Variants in EBF4 observed in about 807,000 individuals in gnomAD.
EBF4 encodes the protein transcription factor COE4.
Under a neutral mutation model 67.1 loss-of-function variants are expected in EBF4, and 34 were observed. The observed-to-expected ratio is 0.51, with a 90% CI of 0.39 to 0.67. The LOEUF is 0.67. EBF4 is among the 30% of genes least tolerant of loss of function. The pLI is 0.00. For synonymous variants in EBF4, 387 were observed against 377.7 expected (o/e 1.02, Z -0.29); for missense variants, 837 against 873.3 (o/e 0.96, Z 0.52).
At chr20:2,693,459 C>A, upstream of EBF4, 1 of 570,744 alleles carries the variant, frequency 1.8e-6, no homozygotes, top group Non-Finnish European at 2.6e-6. The surrounding 1 kb of genome is among the most constrained non-coding windows in gnomAD (Gnocchi z 4.6). Flanking sequence ...GAGGGGACAG[C>A]GCCGGCGCCC....
Position 2,749,739 on chromosome 20 carries a change from C to A in EBF4, c.877C>A (p.Leu293Ile). Residue 293 changes from leucine to isoleucine, a missense_variant, in exon 9 of 17, where the codon CTC becomes ATC. By Grantham distance (5) the Leu-to-Ile change is conservative (BLOSUM62 2). Transcript: ENST00000609451. Reference sequence around the variant, plus strand: ...GTTGCAGGTCGTGTTCGGAAACGTGCTCGTGTGGAGCGAGGTGGGCCAACC... The same window carrying A: ...GTTGCAGGTCGTGTTCGGAAACGTGATCGTGTGGAGCGAGGTGGGCCAACC... 2.6e-6 allele frequency: 4 copies of A among 1,545,414 alleles called. No homozygotes were observed. The highest frequency in any genetic ancestry group is 3.5e-6 in the Non-Finnish European group (4 of 1,144,102).
intron 6 of EBF4, among the ~76,000 whole-genome samples, chr20:2,736,899 A>G (rs926636420): frequency 6.6e-6 from 1 of 152,230 alleles, no homozygotes; most frequent in African/African-American, 2.4e-5. Flanking sequence ...GCTTAGGGCC[A>G]GACTGGCCTC....
intron 5 of EBF4, among the ~76,000 whole-genome samples, chr20:2,709,195 G>GA (rs1198331122): frequency 6.6e-6 from 1 of 151,940 alleles, no homozygotes; most frequent in Non-Finnish European, 1.5e-5. Context: ...TCAAAAAAAA[G>GA]AAAAAAAGAT....
At chr20:2,722,769 GTATGT>G (rs1297625451) in intron 6 of EBF4, among the ~76,000 whole-genome samples, 1 of 152,086 alleles carries the variant, frequency 6.6e-6, no homozygotes, top group Non-Finnish European at 1.5e-5. Flanking sequence ...ATTTCATCTG[GTATGT>G]TTTGTTTTGT....
At chr20:2,744,349 CCAAT>C (rs1403496801) in intron 6 of EBF4, among the ~76,000 whole-genome samples, 1 of 152,106 alleles carries the variant, frequency 6.6e-6, no homozygotes, top group Non-Finnish European at 1.5e-5. Context: ...AGTCTGTGCT[CCAAT>C]CAATCAATAG....
Position 2,696,348 on chromosome 20 carries a change from T to C in EBF4, c.137+2566T>C, listed in dbSNP as rs2087288498. On this transcript the variant is annotated intron_variant, in intron 1 of 16. Transcript: ENST00000609451. The surrounding 1 kb of genome is among the most constrained non-coding windows in gnomAD (Gnocchi z 4.7). ...TTAGCTGGGCGTGGTGAAGCATGCT[T>C]GTAGTGCCAGCTACTTGGGAGGCTG... Among the ~76,000 whole-genome samples, 1 of 152,106 alleles carries C rather than the reference T, an allele frequency of 6.6e-6. No homozygotes were observed. The highest frequency in any genetic ancestry group is 1.5e-5 in the Non-Finnish European group (1 of 68,002).
In EBF4 at chr20:2,707,907, G is replaced by T. The variant is rs767321117; in HGVS notation, c.415-40G>T. Reference sequence around the variant, plus strand: ...GTGCTGCCACCTGCACCTCAGAGGAGCCTCCTTCCCCTCCAGCCTGTGCAC... The same window carrying T: ...GTGCTGCCACCTGCACCTCAGAGGATCCTCCTTCCCCTCCAGCCTGTGCAC... On this transcript the variant is annotated intron_variant, in intron 4 of 16. Coordinates refer to ENST00000609451, the Ensembl canonical transcript of EBF4. The surrounding 1 kb of genome is among the most constrained non-coding windows in gnomAD (Gnocchi z 4.6). 5 of 1,540,884 alleles carry T rather than the reference G, an allele frequency of 3.2e-6. No individual in the cohort carries two copies. The South Asian group carries it at 3.6e-5, about 11-fold the overall frequency.
chr20:2,753,303 G>A (rs142715019), intron 14 of EBF4, among the ~76,000 whole-genome samples: 3 of 152,192 alleles, frequency 2.0e-5, no homozygotes, highest in African/African-American at 7.2e-5. Context: ...TTCTTAGAGT[G>A]GGGAGCTCAG....
chr20:2,745,139 A>C lies in EBF4; in HGVS notation c.558-3410A>C, dbSNP rs1437375887. ...ACCTGGAGGGCGTATGAATGCAGAG[A>C]TGTGATTCTGACTCAGCAGGTCTGA... is the stretch of plus-strand genomic sequence containing the variant. On this transcript the variant is annotated intron_variant, in intron 6 of 16. Transcript: ENST00000609451. The surrounding 1 kb of genome is among the most constrained non-coding windows in gnomAD (Gnocchi z 5.2). Among the ~76,000 whole-genome samples, 2 of 152,272 alleles carry C rather than the reference A, an allele frequency of 1.3e-5. No homozygotes were observed. Among genetic ancestry groups the C allele is most frequent in the East Asian group, 3.9e-4 (2 of 5,178 alleles).
chr20:2,752,106 G>T (rs1055778644), exon 13 of EBF4: 55 of 1,461,024 alleles, frequency 3.8e-5, no homozygotes, highest in Non-Finnish European at 4.7e-5. Flanking sequence ...TGAAGCGCGC[G>T]GCGGACGTGG....
At chr20:2,704,853 A>G (rs2087428696) in intron 1 of EBF4, among the ~76,000 whole-genome samples, 1 of 152,160 alleles carries the variant, frequency 6.6e-6, no homozygotes, top group South Asian at 2.1e-4. Flanking sequence ...GGAAGAGGGA[A>G]TGCCTTCCTC....
In EBF4 at chr20:2,749,393, C is replaced by G; in HGVS notation, c.640-8C>G. On this transcript the variant is annotated splice_polypyrimidine_tract_variant and splice_region_variant and intron_variant, in intron 7 of 16. Transcript: ENST00000609451. ...CCCCAGCCAGGCTGGCCTCGGCTCT[C>G]CCCGCAGGTGGTGGTGTCCACGACG... 5.9e-6 allele frequency: 9 copies of G among 1,527,672 alleles called. No homozygotes were observed. The highest frequency in any genetic ancestry group is 7.9e-6 in the Non-Finnish European group (9 of 1,133,130). 94.6% of individuals were successfully genotyped at this position (1,527,672 alleles called of 1,614,324 possible).
Position 2,693,798 on chromosome 20 carries a change from G to C in EBF4, c.137+16G>C. 1 of 1,275,732 alleles carries C rather than the reference G, an allele frequency of 7.8e-7. No homozygotes were observed. The highest frequency in any genetic ancestry group is 9.9e-7 in the Non-Finnish European group (1 of 1,010,138). 79.0% of individuals were successfully genotyped at this position (1,275,732 alleles called of 1,614,324 possible). Reference sequence around the variant, plus strand: ...CGGCGCAGAGGTAAGCGCTCGGACCGGACCCGGTGCGCTCGGGTTGGACGG... The same window carrying C: ...CGGCGCAGAGGTAAGCGCTCGGACCCGACCCGGTGCGCTCGGGTTGGACGG... On this transcript the variant is annotated intron_variant, in intron 1 of 16. Coordinates refer to ENST00000609451, the Ensembl canonical transcript of EBF4. This position sits in a 1 kb window ranked among gnomAD's most constrained non-coding sequence, Gnocchi z 4.6.
At chr20:2,715,330 A>G (rs1312391869) in intron 6 of EBF4, among the ~76,000 whole-genome samples, 2 of 152,132 alleles carry the variant, frequency 1.3e-5, no homozygotes, top group African/African-American at 4.8e-5. Flanking sequence ...TATTTCTAAG[A>G]TTTATCTATC....
intron 6 of EBF4, among the ~76,000 whole-genome samples, chr20:2,737,842 G>C (rs1190457570): frequency 2.0e-5 from 3 of 150,982 alleles, no homozygotes; most frequent in African/African-American, 7.3e-5. Flanking sequence ...AATGGCACCT[G>C]TAGTCCCAGC....
intron 1 of EBF4, among the ~76,000 whole-genome samples, chr20:2,697,389 C>CA (rs1185063251): frequency 2.1e-5 from 3 of 145,066 alleles, no homozygotes; most frequent in Non-Finnish European, 4.5e-5. Flanking sequence ...ACTAAAAATA[C>CA]AAAAAATTAG....
chr20:2,731,127 G>A lies in EBF4; in HGVS notation c.558-17422G>A, dbSNP rs371959561. Among the ~76,000 whole-genome samples the A allele has an allele frequency of 8.5e-5, 13 of 152,258 alleles. No homozygotes were observed. The South Asian group carries it at 2.7e-3, about 32-fold the overall frequency. On this transcript the variant is annotated intron_variant, in intron 6 of 16. Transcript: ENST00000609451. ...TTGGTCAGGCTGGTCTCAATCTCGT[G>A]ACCTCGTGATCCGCCCGCCTCAGCC...
downstream of EBF4, chr20:2,759,421 C>T (rs1272721335): frequency 9.2e-6 from 2 of 218,192 alleles, no homozygotes; most frequent in East Asian, 1.1e-4. Context: ...CATGCTCAAG[C>T]CTCCCCGCTA....
At chr20:2,735,572 A>G (rs140207525) in intron 6 of EBF4, among the ~76,000 whole-genome samples, 12 of 152,368 alleles carry the variant, frequency 7.9e-5, no homozygotes, top group African/African-American at 2.6e-4. Flanking sequence ...TTTACTTAGC[A>G]ATTCCCAAAG....
Sources: gnomAD v4.1 joint callset for allele counts (sites outside exome capture counted in the v4.1 genomes callset) on GRCh38, gnomAD v4.1.1 for gene constraint, Gnocchi (gnomAD v3.1) non-coding constraint, MANE v1.5 for transcripts, NCBI Gene and HGNC (gene_info 2026-07-23, HGNC 2026-07-21) for gene names.